ATF6B: variants seen among roughly 807,000 people sequenced by gnomAD.
ATF6B encodes activating transcription factor 6 beta.
ATF6B carries 50 observed loss-of-function variants against 83.5 expected under a neutral mutation model. That is an observed-to-expected ratio of 0.60 (90% CI 0.48 to 0.76). The LOEUF (loss-of-function observed/expected upper bound fraction) is 0.76. Ranked by LOEUF, ATF6B falls within the 30% of genes least tolerant of loss-of-function variation. ATF6B has a pLI of 0.00. For missense variants in ATF6B, 790 were observed against 893.8 expected (o/e 0.88, Z 1.48); for synonymous variants, 344 against 362.8 (o/e 0.95, Z 0.59).
Position 32,116,999 on chromosome 6 carries a change from AT to A in ATF6B, c.1685+37del. ...TGGGGGTACAGCTCTTGAAAGTGGA[AT>A]TTCACTTAATAAGTAAGCACCCCAC... On this transcript the variant is annotated intron_variant, in intron 15 of 17. Coordinates refer to ENST00000375203, the MANE Select transcript of ATF6B (RefSeq NM_004381.5). This position sits in a 1 kb window ranked among gnomAD's most constrained non-coding sequence, Gnocchi z 5.1. 3 of 1,602,530 alleles carry A rather than the reference AT, an allele frequency of 1.9e-6. No individual in the cohort carries two copies. The highest frequency in any genetic ancestry group is 2.6e-6 in the Non-Finnish European group (3 of 1,170,226).
Position 32,117,962 on chromosome 6 carries a change from C to T in ATF6B, c.1321G>A (p.Gly441Arg), listed in dbSNP as rs1781600675. The T allele has an allele frequency of 6.2e-7, 1 of 1,613,496 alleles. No homozygotes were observed. Among genetic ancestry groups the T allele is most frequent in the Non-Finnish European group, 8.5e-7 (1 of 1,179,784 alleles). ...TGAACTGGCTCTTGCTCTGAGAACCCCAGCAAGTGTCTCCGGGGTTGAGGC... is the reference window on the plus strand; with the variant it reads ...TGAACTGGCTCTTGCTCTGAGAACCTCAGCAAGTGTCTCCGGGGTTGAGGC... ...GEPQPRRHLLGFSEQEPVQGV... is the reference protein window; with the variant it reads ...GEPQPRRHLLRFSEQEPVQGV... The change falls in exon 12 of 18, where the codon GGG becomes AGG. Residue 441 changes from glycine to arginine, a missense_variant. Around this residue, in one of 3 missense-constraint regions of ATF6B, gnomAD observed 530 missense variants for 632.6 expected, o/e 0.84. Coordinates refer to ENST00000375203, the MANE Select transcript of ATF6B (RefSeq NM_004381.5). The surrounding 1 kb of genome is among the most constrained non-coding windows in gnomAD (Gnocchi z 5.0).
chr6:32,125,919 G>T lies in ATF6B; in HGVS notation c.478+198C>A. 1.5e-6 allele frequency: 1 copy of T among 658,596 alleles called. No individual in the cohort carries two copies. 40.8% of individuals were successfully genotyped at this position (658,596 alleles called of 1,614,324 possible). A position where few individuals can be genotyped will look rare whatever the true frequency, so the allele number is the denominator to read the frequency against. On this transcript the variant is annotated intron_variant, in intron 5 of 17. Coordinates refer to ENST00000375203, the MANE Select transcript of ATF6B (RefSeq NM_004381.5). This position sits in a 1 kb window ranked among gnomAD's most constrained non-coding sequence, Gnocchi z 4.1. ...GAGAAAAATAATATCCATCTCCTCAGCACTGCCCTTGCTGTGGTTCCCTGA... is the reference window on the plus strand; with the variant it reads ...GAGAAAAATAATATCCATCTCCTCATCACTGCCCTTGCTGTGGTTCCCTGA...
At position 32,117,067 on chromosome 6, in the gene ATF6B, A is replaced by G; in HGVS notation, c.1655T>C (p.Val552Ala). 3 of 1,614,026 alleles carry G rather than the reference A, an allele frequency of 1.9e-6. No homozygotes were observed. The highest frequency in any genetic ancestry group is 2.5e-6 in the Non-Finnish European group (3 of 1,179,986). Reference sequence around the variant, plus strand: ...TGGGGGTCCAGGGGGTTGGATGGGGACTGCCTTAACTGGAGGTGACTTCTT... The same window carrying G: ...TGGGGGTCCAGGGGGTTGGATGGGGGCTGCCTTAACTGGAGGTGACTTCTT... ...PRKKSPPVKA[V>A]PIQPPGPPER... The change falls in exon 15 of 18, where the codon GTC (valine) becomes GCC (alanine). Residue 552 changes from valine (V) to alanine (A), a missense_variant. Coordinates refer to ENST00000375203, the MANE Select transcript of ATF6B (RefSeq NM_004381.5). This position sits in a 1 kb window ranked among gnomAD's most constrained non-coding sequence, Gnocchi z 5.0.
chr6:32,127,071 C>T (rs1288343050), intron 4 of ATF6B, 32 bp downstream of exon 4: 1 of 1,493,196 alleles, frequency 6.7e-7, no homozygotes, highest in African/African-American at 1.4e-5. Flanking sequence ...GAGTCCCCGT[C>T]ACAGAGAGTA....
Position 32,127,159 on chromosome 6 carries a change from A to G in ATF6B, c.286T>C (p.Ser96Pro). 1 of 1,612,132 alleles carries G rather than the reference A, an allele frequency of 6.2e-7. No individual in the cohort carries two copies. Among genetic ancestry groups the G allele is most frequent in the Non-Finnish European group, 8.5e-7 (1 of 1,179,390 alleles). Residue 96 changes from serine (S) to proline (P), a missense_variant, in exon 4 of 18, where the codon TCT (serine) becomes CCT (proline). By Grantham distance (74) the Ser-to-Pro change is moderately conservative. Transcript: ENST00000375203. ...QVKSEPSSPC[S>P]SSSLSSESSR... ...GACTCGGAGCTGAGGGAGGAGGAAG[A>G]GCAGGGGGAAGATGGCTCAGACTTC...
At chr6:32,126,988 A>T (rs1582538804) in intron 4 of ATF6B, 115 bp downstream of exon 4, 1 of 887,240 alleles carries the variant, frequency 1.1e-6, no homozygotes, top group Non-Finnish European at 1.6e-6. Flanking sequence ...CACACCTCAC[A>T]CACCTCATGA....
At position 32,120,999 on chromosome 6, in the gene ATF6B, A is replaced by G. The variant is rs761111833; in HGVS notation, c.690T>C (p.Asp230=). 27 of 1,523,286 alleles carry G rather than the reference A, an allele frequency of 1.8e-5. No homozygotes were observed. The highest frequency in any genetic ancestry group is 2.3e-5 in the Non-Finnish European group (26 of 1,137,488). 94.4% of individuals were successfully genotyped at this position (1,523,286 alleles called of 1,614,324 possible). ...AGGAGACTCCATTACCTGAGGAGCC[A>G]TCAAGGGATGGGCCCATGCTGATCT... ...AVQISMGPSL[D]GSSGKALPTR... The change falls in exon 7 of 18, where the codon GAT becomes GAC. Residue 230 remains aspartate, a synonymous_variant. Coordinates refer to ENST00000375203, the MANE Select transcript of ATF6B (RefSeq NM_004381.5).
intron 6 of ATF6B, 44 bp downstream of exon 6, chr6:32,121,218 GA>G (rs1353944421): frequency 6.2e-7 from 1 of 1,610,826 alleles, no homozygotes; most frequent in Non-Finnish European, 8.5e-7. Flanking sequence ...AGGTCAGGAG[GA>G]ACTCACTGGA....
intron 4 of ATF6B, 135 bp downstream of exon 4, chr6:32,126,968 G>A (rs1782005036): frequency 4.8e-6 from 3 of 622,376 alleles, no homozygotes; most frequent in Non-Finnish European, 7.3e-6. Context: ...AGGTAGTGGA[G>A]AAGGCCCCCC....
chr6:32,127,750 T>A lies in ATF6B; in HGVS notation c.92A>T (p.Asn31Ile). 6.2e-7 allele frequency: 1 copy of A among 1,614,148 alleles called. No homozygotes were observed. The highest frequency in any genetic ancestry group is 8.5e-7 in the Non-Finnish European group (1 of 1,180,016). ...LLSPEDWGLQNSTLYSGLDEV... is the reference protein window; with the variant it reads ...LLSPEDWGLQISTLYSGLDEV... ...ATCTAGGCCAGAATACAAGGTGCTG[T>A]CTGCAAGAAATGCTGAGCGTCGGGG... Residue 31 changes from asparagine to isoleucine, a missense_variant and splice_region_variant, in exon 2 of 18, where the codon AAC (asparagine) becomes ATC (isoleucine). Asn to Ile is a moderately radical substitution (Grantham distance 149, BLOSUM62 -3). Transcript: ENST00000375203.
chr6:32,120,656 G>A, intron 8 of ATF6B, 115 bp downstream of exon 8: 1 of 1,299,218 alleles, frequency 7.7e-7, no homozygotes, highest in Non-Finnish European at 1.0e-6. Flanking sequence ...TCACCACGTT[G>A]GCCAGGCTGG....
rs543996395 is a variant in ATF6B, at chr6:32,127,905, T to G, written c.92-155A>C. The stretch of plus-strand genomic sequence containing the variant: ...CAACCAGGGCGCTTCAGCCCCTCCT[T>G]CCCCGACCCCGGAACAACTCGACGT... On this transcript the variant is annotated intron_variant, in intron 1 of 17. Coordinates refer to ENST00000375203, the MANE Select transcript of ATF6B (RefSeq NM_004381.5). The G allele has an allele frequency of 3.0e-6, 3 of 1,015,902 alleles. No homozygotes were observed. In the African/African-American group the frequency reaches 4.8e-5, roughly 16 times the overall value. The allele number at this position is 1,015,902 out of a possible 1,614,324, so 62.9% of individuals were successfully genotyped here.
chr6:32,123,749 G>T (rs531326516), intron 5 of ATF6B, among the ~76,000 whole-genome samples: 1 of 152,040 alleles, frequency 6.6e-6, no homozygotes, highest in Admixed American at 6.6e-5. Context: ...TAATCTGCTA[G>T]ATATAATCTG....
intron 4 of ATF6B, among the ~76,000 whole-genome samples, chr6:32,126,581 A>G (rs539752396): frequency 1.8e-4 from 27 of 152,286 alleles, no homozygotes; most frequent in African/African-American, 6.3e-4. Flanking sequence ...ACCCAAGATC[A>G]GGCGTGGTGG....
chr6:32,126,703 A>G (rs928271180), intron 4 of ATF6B, among the ~76,000 whole-genome samples: 5 of 151,892 alleles, frequency 3.3e-5, no homozygotes, highest in African/African-American at 1.2e-4. Flanking sequence ...TACAAACAAT[A>G]AAAAAAATTA....
Position 32,117,199 on chromosome 6 carries a change from A to C in ATF6B, c.1615-92T>G. ...TGGAAGCTGATGCCACCTCCCACTC[A>C]ACCCTCCACTTCCTTCAAACGATCC... On this transcript the variant is annotated intron_variant, in intron 14 of 17. Coordinates refer to ENST00000375203, the MANE Select transcript of ATF6B (RefSeq NM_004381.5). The surrounding 1 kb of genome is among the most constrained non-coding windows in gnomAD (Gnocchi z 5.0). 6.5e-7 allele frequency: 1 copy of C among 1,536,078 alleles called. No homozygotes were observed. Among genetic ancestry groups the C allele is most frequent in the Non-Finnish European group, 8.9e-7 (1 of 1,121,134 alleles).
chr6:32,128,224 C>CCCCCCCA lies in ATF6B; in HGVS notation c.-18_-17insTGGGGGG. 6.2e-7 allele frequency: 1 copy of CCCCCCCA among 1,604,544 alleles called. No individual in the cohort carries two copies. The highest frequency in any genetic ancestry group is 8.5e-7 in the Non-Finnish European group (1 of 1,178,430). ...CTCCGCCATCTTTCCCCCCCACCCC[C>CCCCCCCA]CAACCAGGAGACGGTTCCCAAGGCC... On this transcript the variant is annotated 5_prime_UTR_variant, in exon 1 of 18. Coordinates refer to ENST00000375203, the MANE Select transcript of ATF6B (RefSeq NM_004381.5).
Position 32,117,615 on chromosome 6 carries a change from G to A in ATF6B, c.1504C>T (p.Arg502Trp), listed in dbSNP as rs777403820. The A allele has an allele frequency of 6.8e-6, 11 of 1,614,046 alleles. No homozygotes were observed. The highest frequency in any genetic ancestry group is 4.5e-5 in the East Asian group (2 of 44,892). The change falls in exon 13 of 18, where the codon CGG (arginine) becomes TGG (tryptophan). Residue 502 changes from arginine (R) to tryptophan (W), a missense_variant. By Grantham distance (101) the Arg-to-Trp change is moderately radical. This residue lies in a region of ATF6B where 530 missense variants were observed against 632.6 expected (regional missense o/e 0.84). Transcript: ENST00000375203. The surrounding 1 kb of genome is among the most constrained non-coding windows in gnomAD (Gnocchi z 5.0). ...LDQLFLSSDC[R>W]HFNRTESLRL... ...AGGGACTCAGTGCGGTTGAAGTGCC[G>A]GCAATCAGAGGAGAGGAAGAGCTGG...
At chr6:32,121,505 C>G (rs1260222961) in intron 5 of ATF6B, among the ~76,000 whole-genome samples, 157 bp from the exon 6 acceptor site, 2 of 152,044 alleles carry the variant, frequency 1.3e-5, no homozygotes, top group Admixed American at 6.6e-5. Flanking sequence ...GAGTTCAAGA[C>G]CAGCCTGACC....
Sources: gnomAD v4.1 joint callset for allele counts (sites outside exome capture counted in the v4.1 genomes callset) on GRCh38, gnomAD v4.1.1 for gene constraint, gnomAD v4.1.1 regional missense constraint, Gnocchi (gnomAD v3.1) non-coding constraint, MANE v1.5 for transcripts, NCBI Gene and HGNC (gene_info 2026-07-23, HGNC 2026-07-21) for gene names.